Variants in POGZ observed in about 807,000 individuals in gnomAD.
POGZ encodes the protein pogo transposable element with ZNF domain.
In POGZ, 17 loss-of-function variants were observed where a neutral mutation model predicts 134.6. The ratio of observed to expected loss-of-function variants is 0.13; its 90% CI spans 0.09 to 0.19. The LOEUF is 0.19. Ranked by LOEUF, POGZ falls within the 10% of genes least tolerant of loss-of-function variation. POGZ has a pLI of 1.00. For synonymous variants in POGZ, 693 were observed against 657.1 expected (o/e 1.05, Z -0.84); for missense variants, 1,306 against 1,769.7 (o/e 0.74, Z 4.70).
intron 1 of POGZ, among the ~76,000 whole-genome samples, chr1:151,458,944 C>T (rs1663160854): frequency 6.9e-6 from 1 of 144,934 alleles, no homozygotes; most frequent in African/African-American, 2.5e-5. Context: ...CGCTCGCGCG[C>T]CGCACCCCGC....
chr1:151,405,275 G>A lies in POGZ; in HGVS notation c.3760C>T (p.Pro1254Ser). The change falls in exon 19 of 19, where the codon CCA (proline) becomes TCA (serine). Residue 1254 changes from proline to serine, a missense_variant. Physicochemically the swap from Pro to Ser is moderately conservative, Grantham distance 74. Transcript: ENST00000271715. The surrounding 1 kb of genome is among the most constrained non-coding windows in gnomAD (Gnocchi z 4.9). The stretch of plus-strand genomic sequence containing the variant: ...TGAATTTTGGAGCTACAGCCTGCTG[G>A]GACCACTGCAGGCAAAGTGCTAGAG... ...SASSTLPAVV[P>S]AGCSSKIQPL... is the part of the protein sequence containing the mutation. 6.2e-7 allele frequency: 1 copy of A among 1,614,198 alleles called. No individual in the cohort carries two copies. Among genetic ancestry groups the A allele is most frequent in the Non-Finnish European group, 8.5e-7 (1 of 1,180,020 alleles).
chr1:151,403,344 A>G lies in POGZ; in HGVS notation c.*1458T>C, dbSNP rs1385603582. 3 of 985,528 alleles carry G rather than the reference A, an allele frequency of 3.0e-6. No individual in the cohort carries two copies. The highest frequency in any genetic ancestry group is 3.6e-6 in the Non-Finnish European group (3 of 829,698). 61.0% of individuals were successfully genotyped at this position (985,528 alleles called of 1,614,324 possible). Reference sequence around the variant, plus strand: ...TTAAACAGGGTCACCTAGAAAAAAAACAAGTTTATAAATCCATTTCCCCTC... The same window carrying G: ...TTAAACAGGGTCACCTAGAAAAAAAGCAAGTTTATAAATCCATTTCCCCTC... On this transcript the variant is annotated 3_prime_UTR_variant, in exon 19 of 19. Transcript: ENST00000271715.
intron 3 of POGZ, among the ~76,000 whole-genome samples, chr1:151,434,869 C>A (rs1270871812): frequency 1.3e-5 from 2 of 151,898 alleles, no homozygotes; most frequent in Non-Finnish European, 2.9e-5. Flanking sequence ...CTAACTTTCT[C>A]CCTCTAAGTT....
At chr1:151,454,286 T>C (rs1476913926) in intron 1 of POGZ, among the ~76,000 whole-genome samples, 1 of 152,214 alleles carries the variant, frequency 6.6e-6, no homozygotes, top group Non-Finnish European at 1.5e-5. Context: ...ACATAACTGG[T>C]AATTATGTTT....
At chr1:151,418,016 C>T (rs1177573085) in intron 10 of POGZ, among the ~76,000 whole-genome samples, 1 of 151,868 alleles carries the variant, frequency 6.6e-6, no homozygotes, top group East Asian at 1.9e-4. Context: ...AGTTTGAGAC[C>T]AGCCTGACCA....
chr1:151,433,116 A>G (rs1037318599), intron 3 of POGZ, among the ~76,000 whole-genome samples: 1 of 152,194 alleles, frequency 6.6e-6, no homozygotes, highest in Non-Finnish European at 1.5e-5. Flanking sequence ...CTAGCTCAAC[A>G]TCCCAATTAA....
In POGZ at chr1:151,415,267, C is replaced by G. The variant is rs142552200; in HGVS notation, c.1679-2871G>C. Among the ~76,000 whole-genome samples the G allele has an allele frequency of 3.5e-3, 540 of 152,302 alleles. 2 individuals are homozygous for G. Among genetic ancestry groups the G allele is most frequent in the African/African-American group, 0.012 (515 of 41,566 alleles). ...TCTTCCTCAAACTTTCTCCTTTCCA[C>G]TAACACAAGATTTTTTGAAAGATTA... On this transcript the variant is annotated intron_variant, in intron 10 of 18. Coordinates refer to ENST00000271715, the MANE Select transcript of POGZ (RefSeq NM_015100.4).
Position 151,408,495 on chromosome 1 carries a change from T to C in POGZ, c.2148A>G (p.Ala716=), listed in dbSNP as rs1421610995. 2 of 1,593,290 alleles carry C rather than the reference T, an allele frequency of 1.3e-6. No homozygotes were observed. Among genetic ancestry groups the C allele is most frequent in the East Asian group, 2.2e-5 (1 of 44,832 alleles). The part of the protein sequence containing the change: ...DTPPSALQEA[A]PLTSSMDPLP... ...GAGGGTCCATTGAGGAGGTCAGCGG[T>C]GCTGCCTCCTGCAAGGCGCTGGGAG... The change falls in exon 14 of 19, where the codon GCA becomes GCG. Residue 716 remains alanine (A), a synonymous_variant. Coordinates refer to ENST00000271715, the MANE Select transcript of POGZ (RefSeq NM_015100.4).
At chr1:151,457,656 G>A (rs1662934900) in intron 1 of POGZ, among the ~76,000 whole-genome samples, 1 of 152,214 alleles carries the variant, frequency 6.6e-6, no homozygotes, top group African/African-American at 2.4e-5. Flanking sequence ...GCCGGGCGCG[G>A]TGGCTGACGC....
In POGZ at chr1:151,404,465, C is replaced by T. The variant is rs1383376910; in HGVS notation, c.*337G>A. ...GGGAAACAAAAAAATTTAACATTTG[C>T]CCACAAATAATTTTTTTTCTTTTTC... is the stretch of plus-strand genomic sequence containing the variant. On this transcript the variant is annotated 3_prime_UTR_variant, in exon 19 of 19. Coordinates refer to ENST00000271715, the MANE Select transcript of POGZ (RefSeq NM_015100.4). The T allele has an allele frequency of 3.9e-6, 4 of 1,015,466 alleles. No homozygotes were observed. The African/African-American group carries it at 5.2e-5, about 13-fold the overall frequency. 62.9% of individuals were successfully genotyped at this position (1,015,466 alleles called of 1,614,324 possible).
chr1:151,455,282 G>A (rs1275851981), intron 1 of POGZ: 1 of 152,162 alleles, frequency 6.6e-6, no homozygotes, highest in Non-Finnish European at 1.5e-5. Context: ...CAAAACAGTG[G>A]TTTAGAGAGA....
At position 151,459,245 on chromosome 1, in the gene POGZ, G is replaced by A. The variant is rs895570183; in HGVS notation, c.-95C>T. 1 of 152,254 alleles carries A rather than the reference G, an allele frequency of 6.6e-6. No individual in the cohort carries two copies. Among genetic ancestry groups the A allele is most frequent in the African/African-American group, 2.4e-5 (1 of 41,544 alleles). The allele number at this position is 152,254 out of a possible 1,614,324, so 9.4% of individuals were successfully genotyped here. ...CCGGCGCCAGAAGGGGGTGGGAGCA[G>A]GGGGAGGGGACGGGGGCTTGGGGGG... On this transcript the variant is annotated 5_prime_UTR_variant, in exon 1 of 19. Coordinates refer to ENST00000271715, the MANE Select transcript of POGZ (RefSeq NM_015100.4).
rs2102162664 is a variant in POGZ, at chr1:151,408,008, T to C, written c.2375+92A>G. ...GCCTAGGGGACAGAGTGAGACCCTGTCTTCAAAAAAAAAAAAAAAAAAAGA... is the reference window on the plus strand; with the variant it reads ...GCCTAGGGGACAGAGTGAGACCCTGCCTTCAAAAAAAAAAAAAAAAAAAGA... On this transcript the variant is annotated intron_variant, in intron 15 of 18. Coordinates refer to ENST00000271715, the MANE Select transcript of POGZ (RefSeq NM_015100.4). 4.1e-6 allele frequency: 4 copies of C among 966,230 alleles called. No individual in the cohort carries two copies. In the South Asian group the frequency reaches 7.0e-5, roughly 17 times the overall value. The allele number at this position is 966,230 out of a possible 1,614,324, so 59.9% of individuals were successfully genotyped here.
intron 1 of POGZ, among the ~76,000 whole-genome samples, chr1:151,442,686 G>A (rs1484046157): frequency 1.3e-4 from 1 of 7,762 alleles, no homozygotes; most frequent in African/African-American, 2.9e-4. Context: ...ACTCCAGCCT[G>A]GGGGACAGAG....
chr1:151,452,355 T>C (rs967320985), intron 1 of POGZ, among the ~76,000 whole-genome samples: 1 of 151,558 alleles, frequency 6.6e-6, no homozygotes, highest in Non-Finnish European at 1.5e-5. Context: ...CATAGATATT[T>C]GGCTTTTTTT....
At position 151,438,210 on chromosome 1, in the gene POGZ, C is replaced by CA. The variant is rs551784951; in HGVS notation, c.283+2717dup. 1.0e-3 allele frequency among the ~76,000 whole-genome samples: 144 copies of CA among 140,060 alleles called. 1 individual carries two copies. Among genetic ancestry groups the CA allele is most frequent in the South Asian group, 9.6e-3 (43 of 4,480 alleles). The allele number at this position is 140,060 out of a possible 152,430, so 91.9% of individuals were successfully genotyped here. ...TGAGTGACAGAGGGAGACTCCATCT[C>CA]AAAAAAAAACAAAAAAGAAAAAACA... On this transcript the variant is annotated intron_variant, in intron 3 of 18. Transcript: ENST00000271715.
intron 11 of POGZ, 81 bp downstream of exon 11, chr1:151,412,215 G>A: frequency 1.4e-6 from 1 of 733,936 alleles, no homozygotes; most frequent in Non-Finnish European, 2.4e-6. Context: ...GCAGTAGGTG[G>A]TCAACAATAT....
At chr1:151,408,300 A>AT in intron 14 of POGZ, 60 bp from the exon 15 acceptor site, 1 of 1,591,016 alleles carries the variant, frequency 6.3e-7, no homozygotes, top group South Asian at 1.1e-5. Flanking sequence ...AAAATGTAGG[A>AT]TTTTCAGACA....
rs1653212679 is a variant in POGZ, at chr1:151,404,445, AC to A, written c.*356del. 2.0e-6 allele frequency: 2 copies of A among 1,007,608 alleles called. No individual in the cohort carries two copies. 62.4% of individuals were successfully genotyped at this position (1,007,608 alleles called of 1,614,324 possible). A position where few individuals can be genotyped will look rare whatever the true frequency, so the allele number is the denominator to read the frequency against. ...TGATACAATTGAGGTAAAAGGGGAAACAAAAAAATTTAACATTTGCCCACAA... is the reference window on the plus strand; with the variant it reads ...TGATACAATTGAGGTAAAAGGGGAAAAAAAAAATTTAACATTTGCCCACAA... On this transcript the variant is annotated 3_prime_UTR_variant, in exon 19 of 19. Coordinates refer to ENST00000271715, the MANE Select transcript of POGZ (RefSeq NM_015100.4).
Sources: gnomAD v4.1 joint callset for allele counts (sites outside exome capture counted in the v4.1 genomes callset) on GRCh38, gnomAD v4.1.1 for gene constraint, Gnocchi (gnomAD v3.1) non-coding constraint, MANE v1.5 for transcripts, NCBI Gene and HGNC (gene_info 2026-07-23, HGNC 2026-07-21) for gene names.